GRXCR2: variants seen among roughly 807,000 people sequenced by gnomAD.
GRXCR2 encodes the protein glutaredoxin and cysteine rich domain containing 2.
GRXCR2 carries 23 observed loss-of-function variants against 24.8 expected under a neutral mutation model. The observed-to-expected ratio is 0.93, with a 90% CI of 0.67 to 1.32. The LOEUF (loss-of-function observed/expected upper bound fraction) is 1.32, where lower values mean the gene tolerates loss of function less well. GRXCR2 is among the 40% of genes most tolerant of loss of function. The probability of loss-of-function intolerance (pLI) is 0.00; values close to 1 mark genes in which losing one functional copy is unlikely to be tolerated. For missense variants in GRXCR2, 315 were observed against 303.4 expected (o/e 1.04, Z -0.28); for synonymous variants, 130 against 116.1 (o/e 1.12, Z -0.77).
chr5:145,926,385 A>G (rs1757395135), intron 2 of GRXCR2, among the ~76,000 whole-genome samples: 1 of 152,184 alleles, frequency 6.6e-6, no homozygotes, highest in Non-Finnish European at 1.5e-5. Context: ...ACTTTAATCC[A>G]TCTTGAATTA....
intron 2 of GRXCR2, among the ~76,000 whole-genome samples, chr5:145,866,200 A>T (rs868429488): frequency 2.1e-4 from 32 of 152,116 alleles, no homozygotes; most frequent in Middle Eastern, 6.8e-3. Flanking sequence ...TTCCACCTCT[A>T]GAACCAGCTG....
intron 2 of GRXCR2, 105 bp downstream of exon 2, chr5:145,866,396 A>C: frequency 5.8e-6 from 4 of 687,846 alleles, no homozygotes; most frequent in Non-Finnish European, 1.0e-5. Flanking sequence ...TATCTTAAGT[A>C]TTCATATTCA....
chr5:145,868,529 T>C (rs542703624), intron 1 of GRXCR2, among the ~76,000 whole-genome samples: 32 of 152,344 alleles, frequency 2.1e-4, no homozygotes, highest in Middle Eastern at 3.4e-3. Context: ...GCAGGCTGGA[T>C]TCTTATTTCA....
At chr5:145,922,404 C>T (rs1581356899) in intron 2 of GRXCR2, among the ~76,000 whole-genome samples, 1 of 152,130 alleles carries the variant, frequency 6.6e-6, no homozygotes, top group East Asian at 1.9e-4. Context: ...TGGGGATTTC[C>T]AAGGCACCAT....
chr5:145,927,264 T>C (rs1757412309), intron 2 of GRXCR2, among the ~76,000 whole-genome samples: 1 of 152,190 alleles, frequency 6.6e-6, no homozygotes, highest in South Asian at 2.1e-4. Flanking sequence ...TTCAACACTA[T>C]GTTGAATAGG....
chr5:145,896,860 A>C (rs1756957669), intron 2 of GRXCR2, among the ~76,000 whole-genome samples: 1 of 152,126 alleles, frequency 6.6e-6, no homozygotes, highest in Non-Finnish European at 1.5e-5. Flanking sequence ...CACTATTCAC[A>C]ATAGCAAAGA....
At chr5:145,899,031 G>A in intron 2 of GRXCR2, among the ~76,000 whole-genome samples, 1 of 151,890 alleles carries the variant, frequency 6.6e-6, no homozygotes, top group African/African-American at 2.4e-5. Flanking sequence ...CCACCAAAAG[G>A]CTCTTGCAAC....
intron 2 of GRXCR2, among the ~76,000 whole-genome samples, chr5:145,926,870 T>G (rs1387636515): frequency 6.6e-6 from 1 of 152,230 alleles, no homozygotes; most frequent in Non-Finnish European, 1.5e-5. Flanking sequence ...GCATGGAATA[T>G]TCTTCCATTT....
intron 2 of GRXCR2, among the ~76,000 whole-genome samples, chr5:145,925,976 C>T (rs192235949): frequency 1.3e-5 from 2 of 151,308 alleles, no homozygotes; most frequent in East Asian, 3.9e-4. Flanking sequence ...AAAAAAAAAA[C>T]AAGATTGTGG....
chr5:145,894,773 A>G (rs181291789), intron 2 of GRXCR2, among the ~76,000 whole-genome samples: 175 of 152,280 alleles, frequency 1.1e-3, no homozygotes, highest in African/African-American at 4.1e-3. Context: ...ATCCTCCCTA[A>G]CTCATTTTAT....
rs447402 is a variant in GRXCR2, at chr5:145,872,764, C to T, written c.205G>A (p.Glu69Lys). The T allele has an allele frequency of 1.2e-6, 2 of 1,614,152 alleles. No homozygotes were observed. Among genetic ancestry groups the T allele is most frequent in the South Asian group, 2.2e-5 (2 of 91,082 alleles). The change falls in exon 1 of 3, where the codon GAA (glutamate) becomes AAA (lysine). Residue 69 changes from glutamate (E) to lysine (K), a missense_variant. Glu to Lys is a moderately conservative substitution (Grantham distance 56). Transcript: ENST00000377976. The part of the protein sequence containing the change: ...ETMDGVYGSG[E>K]VPRPQMCSPK... ...GAGCACATCTGGGGCCTGGGGACTT[C>T]CCCAGACCCATAAACACCATCCATT...
At position 145,891,060 on chromosome 5, in the gene GRXCR2, G is replaced by A. The variant is rs947386181; in HGVS notation, c.-69-24332C>T. ...GACAAAGGGTTCAATTCAACAAGAA[G>A]ACTTAATTACCATAAATATATACAC... On this transcript the variant is annotated intron_variant, in intron 2 of 3. Transcript: ENST00000639411. Among the ~76,000 whole-genome samples the A allele has an allele frequency of 2.6e-5, 4 of 152,078 alleles. No individual in the cohort carries two copies. In the South Asian group the frequency reaches 8.3e-4, roughly 31 times the overall value.
At chr5:145,915,138 T>A (rs1757219128) in intron 2 of GRXCR2, among the ~76,000 whole-genome samples, 1 of 152,104 alleles carries the variant, frequency 6.6e-6, no homozygotes, top group Non-Finnish European at 1.5e-5. Context: ...TATGGATGGC[T>A]GTGGTGAGAG....
intron 2 of GRXCR2, among the ~76,000 whole-genome samples, chr5:145,887,681 G>T (rs1043357750): frequency 2.0e-5 from 3 of 152,108 alleles, no homozygotes; most frequent in Non-Finnish European, 4.4e-5. Flanking sequence ...AGTGGGAGTG[G>T]GGAGCTTAGC....
intron 2 of GRXCR2, among the ~76,000 whole-genome samples, chr5:145,916,240 A>C: frequency 6.6e-6 from 1 of 152,224 alleles, no homozygotes; most frequent in Non-Finnish European, 1.5e-5. Context: ...TGGATGAGCA[A>C]TAAAGATGAT....
chr5:145,926,151 G>A (rs184350835), intron 2 of GRXCR2, among the ~76,000 whole-genome samples: 1 of 152,126 alleles, frequency 6.6e-6, no homozygotes, highest in Non-Finnish European at 1.5e-5. Context: ...GGAGTGAAAT[G>A]ATTTATCACT....
rs531148199 is a variant in GRXCR2 at position 145,872,531 on chromosome 5, C to T, written c.336+102G>A. 24 of 940,568 alleles carry T rather than the reference C, an allele frequency of 2.6e-5. No individual in the cohort carries two copies. In the South Asian group the frequency reaches 2.6e-4, roughly 10 times the overall value. 58.3% of individuals were successfully genotyped at this position (940,568 alleles called of 1,614,324 possible). ...GTGCACCAACAGTTCTGGTTGGTAC[C>T]GGAGGGGGAGCAAGACACAAATCTG... On this transcript the variant is annotated intron_variant, in intron 1 of 2. Coordinates refer to ENST00000377976, the MANE Select transcript of GRXCR2 (RefSeq NM_001080516.2).
downstream of GRXCR2, among the ~76,000 whole-genome samples, chr5:145,858,316 CAAA>C (rs139918161): frequency 4.1e-5 from 5 of 121,324 alleles, no homozygotes; most frequent in Admixed American, 9.4e-5. Flanking sequence ...CTGTCTCCCA[CAAA>C]AAAAAAAAAA....
rs992908322 is a variant in GRXCR2, at chr5:145,859,536, C to T, written c.*197G>A. 5.0e-6 allele frequency: 3 copies of T among 599,740 alleles called. No individual in the cohort carries two copies. Among genetic ancestry groups the T allele is most frequent in the African/African-American group, 1.9e-5 (1 of 53,346 alleles). 37.2% of individuals were successfully genotyped at this position (599,740 alleles called of 1,614,324 possible). ...AAAGCAGACTATAATTCAGAAATGC[C>T]CCTGCCACTTAGACCCACAGAGAGA... On this transcript the variant is annotated 3_prime_UTR_variant, in exon 3 of 3. Coordinates refer to ENST00000377976, the MANE Select transcript of GRXCR2 (RefSeq NM_001080516.2).
Sources: allele counts gnomAD v4.1 joint callset (sites outside exome capture counted in the v4.1 genomes callset), GRCh38; gene constraint gnomAD v4.1.1; transcripts MANE v1.5; gene names NCBI Gene and HGNC (gene_info 2026-07-23, HGNC 2026-07-21).